The following ZNF678 variants were observed in gnomAD, a reference collection of about 807,000 sequenced individuals.
The protein encoded by ZNF678 is hypothetical protein MGC42493.
In ZNF678, 5 loss-of-function variants were observed where a neutral mutation model predicts 3.0. The ratio of observed to expected loss-of-function variants is 1.69; its 90% CI spans 0.88 to 3.56. The LOEUF (loss-of-function observed/expected upper bound fraction) is 3.56, where lower values mean the gene tolerates loss of function less well. Among genes scored for constraint, ZNF678 ranks in the 30% most tolerant of loss-of-function variants. The pLI is 0.00. For missense variants in ZNF678, 593 were observed against 605.0 expected, an observed-to-expected ratio of 0.98 and a Z score of 0.21; for synonymous variants, 218 against 199.6, an observed-to-expected ratio of 1.09 and a Z score of -0.78.
intron 1 of ZNF678, among the ~76,000 whole-genome samples, chr1:227,570,293 T>C (rs145390113): frequency 0.021 from 3,196 of 152,342 alleles, 42 homozygotes; most frequent in Middle Eastern, 0.037. Flanking sequence ...AGCTTTTTTC[T>C]TATTCCTCAT....
At chr1:227,585,069 AAAG>A (rs1417840109) in intron 1 of ZNF678, among the ~76,000 whole-genome samples, 1 of 152,234 alleles carries the variant, frequency 6.6e-6, no homozygotes, top group African/African-American at 2.4e-5. Flanking sequence ...CTTGCTTGAT[AAAG>A]AAGAGACAAA....
At chr1:227,628,853 CAGGTG>C (rs1364402821) in intron 1 of ZNF678, among the ~76,000 whole-genome samples, 1 of 152,168 alleles carries the variant, frequency 6.6e-6, no homozygotes, top group Admixed American at 6.5e-5. Context: ...CCCAACAGTC[CAGGTG>C]AGTTGAGATA....
At chr1:227,599,286 C>T (rs755469537) in intron 1 of ZNF678, among the ~76,000 whole-genome samples, 4 of 152,130 alleles carry the variant, frequency 2.6e-5, no homozygotes, top group Non-Finnish European at 4.4e-5. Flanking sequence ...GGCAGTACCA[C>T]GCGGTTGTCC....
chr1:227,667,574 A>T (rs1452796957), intron 5 of ZNF678, among the ~76,000 whole-genome samples: 1 of 152,196 alleles, frequency 6.6e-6, no homozygotes, highest in Non-Finnish European at 1.5e-5. Flanking sequence ...CCTCTCCAGG[A>T]ATTTTCTCCT....
At chr1:227,634,885 A>G (rs887993856) in intron 1 of ZNF678, among the ~76,000 whole-genome samples, 1 of 152,144 alleles carries the variant, frequency 6.6e-6, no homozygotes, top group African/African-American at 2.4e-5. Context: ...GGTAGTAGCC[A>G]GGGAGTGGTT....
chr1:227,598,170 AC>A, intron 1 of ZNF678, among the ~76,000 whole-genome samples: 1 of 152,292 alleles, frequency 6.6e-6, no homozygotes, highest in East Asian at 1.9e-4. Context: ...TTCCCAAATA[AC>A]CACTAGTCTG....
chr1:227,580,760 G>A (rs765426377), intron 1 of ZNF678, among the ~76,000 whole-genome samples: 5 of 151,908 alleles, frequency 3.3e-5, no homozygotes, highest in Admixed American at 2.0e-4. Context: ...AAAAATACCC[G>A]TCTCTACTAA....
At chr1:227,636,093 A>G (rs1283324870) in intron 1 of ZNF678, among the ~76,000 whole-genome samples, 1 of 152,158 alleles carries the variant, frequency 6.6e-6, no homozygotes, top group Non-Finnish European at 1.5e-5. Context: ...TAGTTTTAAC[A>G]AGAGTTTTAA....
chr1:227,581,245 CATAAGTT>C (rs1252880657), intron 1 of ZNF678, among the ~76,000 whole-genome samples: 4 of 151,576 alleles, frequency 2.6e-5, no homozygotes, highest in Admixed American at 6.6e-5. Context: ...TATAAATATA[CATAAGTT>C]ATAAGTATAT....
chr1:227,599,747 T>A (rs901928398), intron 1 of ZNF678, among the ~76,000 whole-genome samples: 6 of 152,232 alleles, frequency 3.9e-5, no homozygotes, highest in African/African-American at 1.4e-4. Flanking sequence ...CGTACATGAA[T>A]GTTGCTTTAA....
rs955344085 is a variant in ZNF678, at chr1:227,655,366, T to C, written c.1116T>C (p.Thr372=). The change falls in exon 4 of 4, where the codon ACT becomes ACC. Residue 372 remains threonine, a synonymous_variant. Transcript: ENST00000343776. The part of the protein sequence containing the change: ...SNLTQHKRIH[T]GEKPYKCKEC... ...TCACTCAGCATAAAAGAATTCATAC[T>C]GGAGAGAAACCCTACAAATGCAAAG... 2.5e-6 allele frequency: 4 copies of C among 1,612,762 alleles called. No individual in the cohort carries two copies. Among genetic ancestry groups the C allele is most frequent in the Non-Finnish European group, 3.4e-6 (4 of 1,179,380 alleles).
chr1:227,618,407 C>G (rs1658193207), intron 1 of ZNF678, among the ~76,000 whole-genome samples: 1 of 152,212 alleles, frequency 6.6e-6, no homozygotes, highest in African/African-American at 2.4e-5. Flanking sequence ...TGTTCACACC[C>G]AGATCACGGT....
intron 1 of ZNF678, among the ~76,000 whole-genome samples, chr1:227,589,264 A>G (rs1360936980): frequency 1.3e-5 from 2 of 151,708 alleles, no homozygotes; most frequent in African/African-American, 4.9e-5. Flanking sequence ...TAGGGTTTTT[A>G]TAGTTTTGGG....
At chr1:227,618,938 T>TA (rs1029643738) in intron 1 of ZNF678, among the ~76,000 whole-genome samples, 1 of 152,134 alleles carries the variant, frequency 6.6e-6, no homozygotes, top group African/African-American at 2.4e-5. Flanking sequence ...TCAGGAAACT[T>TA]ACAATCATGG....
chr1:227,647,050 C>G (rs976204496), intron 2 of ZNF678, among the ~76,000 whole-genome samples: 1 of 151,916 alleles, frequency 6.6e-6, no homozygotes, highest in Non-Finnish European at 1.5e-5. Context: ...GTCAGGAGTT[C>G]GAGACCAGCC....
At chr1:227,601,504 C>T (rs764644741) in intron 1 of ZNF678, among the ~76,000 whole-genome samples, 1 of 150,906 alleles carries the variant, frequency 6.6e-6, no homozygotes, top group Non-Finnish European at 1.5e-5. Context: ...TTTCTTGTGA[C>T]AATTGTGAAT....
intron 1 of ZNF678, among the ~76,000 whole-genome samples, chr1:227,578,673 A>C (rs540275872): frequency 2.1e-4 from 32 of 152,252 alleles, no homozygotes; most frequent in African/African-American, 7.2e-4. Context: ...TTCTTGCATT[A>C]GGTTTCAATG....
chr1:227,654,436 C>A lies in ZNF678; in HGVS notation c.186C>A (p.Asp62Glu), dbSNP rs757740617. The A allele has an allele frequency of 3.1e-6, 5 of 1,613,048 alleles. No homozygotes were observed. Among genetic ancestry groups the A allele is most frequent in the Non-Finnish European group, 4.2e-6 (5 of 1,179,394 alleles). Residue 62 changes from aspartate to glutamate, a missense_variant, in exon 4 of 4, where the codon GAC (aspartate) becomes GAA (glutamate). Coordinates refer to ENST00000343776, the MANE Select transcript of ZNF678 (RefSeq NM_001367909.1). The stretch of plus-strand genomic sequence containing the variant: ...CAAGACATAGAAGCTGGGGCCTTGA[C>A]AATTTGCACTTAGTGAAAGACTGGA... ...TLTRHRSWGLDNLHLVKDWRT... is the reference protein window; with the variant it reads ...TLTRHRSWGLENLHLVKDWRT...
At chr1:227,646,714 G>T (rs1306952020) in intron 2 of ZNF678, 44 bp downstream of exon 2, 21 of 1,345,608 alleles carry the variant, frequency 1.6e-5, no homozygotes, top group Non-Finnish European at 2.1e-5. Context: ...TCATACTACG[G>T]ATTCCATATT....
Sources: allele counts gnomAD v4.1 joint callset (sites outside exome capture counted in the v4.1 genomes callset), GRCh38; gene constraint gnomAD v4.1.1; transcripts MANE v1.5; gene names NCBI Gene and HGNC (gene_info 2026-07-23, HGNC 2026-07-21).